The following RPTOR variants were observed in gnomAD, a reference collection of about 807,000 sequenced individuals.
RPTOR encodes regulatory associated protein of MTOR complex 1.
Under a neutral mutation model 169.9 loss-of-function variants are expected in RPTOR, and 21 were observed. That is an observed-to-expected ratio of 0.12 (90% CI 0.09 to 0.18). The LOEUF (loss-of-function observed/expected upper bound fraction) is 0.18, where lower values mean the gene tolerates loss of function less well. RPTOR is among the 10% of genes least tolerant of loss of function. The pLI, the probability that RPTOR is intolerant of heterozygous loss-of-function variation, is 1.00. For synonymous variants in RPTOR, 732 were observed against 753.2 expected (o/e 0.97, Z 0.46); for missense variants, 1,133 against 1,855.9 (o/e 0.61, Z 7.16).
chr17:80,667,250 G>C (rs1294992789), intron 3 of RPTOR, among the ~76,000 whole-genome samples: 2 of 152,164 alleles, frequency 1.3e-5, no homozygotes, highest in Non-Finnish European at 2.9e-5. Flanking sequence ...GAGGCTGGAG[G>C]GGGACAGCCG....
intron 4 of RPTOR, among the ~76,000 whole-genome samples, chr17:80,717,489 A>G (rs1005705288): frequency 6.6e-6 from 1 of 152,088 alleles, no homozygotes; most frequent in African/African-American, 2.4e-5. Flanking sequence ...CCATTAGTTT[A>G]TCCTTTCATA....
intron 5 of RPTOR, among the ~76,000 whole-genome samples, chr17:80,735,110 T>G (rs1455672122): frequency 6.6e-6 from 1 of 152,170 alleles, no homozygotes; most frequent in Non-Finnish European, 1.5e-5. Context: ...CCAGGTCACG[T>G]AGCACCCCAG....
At chr17:80,775,613 C>T (rs1395183642) in intron 6 of RPTOR, among the ~76,000 whole-genome samples, 2 of 152,224 alleles carry the variant, frequency 1.3e-5, no homozygotes, top group Admixed American at 6.5e-5. Context: ...AAAGGTGCAG[C>T]ATTGTTGGGC....
At chr17:80,632,781 T>G (rs1017957127) in intron 2 of RPTOR, among the ~76,000 whole-genome samples, 2 of 152,174 alleles carry the variant, frequency 1.3e-5, no homozygotes, top group African/African-American at 2.4e-5. Context: ...AGCAGCCCAC[T>G]TTTATTTTTT....
chr17:80,602,822 T>A lies in RPTOR; in HGVS notation c.163-22869T>A. ...AAGGGGCACGCTTCATGAAGCCCAC[T>A]CCGTGGACGCGCTGGTGAATGTTGA... On this transcript the variant is annotated intron_variant, in intron 1 of 33. Transcript: ENST00000306801. The A allele has an allele frequency of 4.6e-6, 3 of 648,188 alleles. No individual in the cohort carries two copies. The South Asian group carries it at 4.7e-5, about 10-fold the overall frequency. 40.2% of individuals were successfully genotyped at this position (648,188 alleles called of 1,614,324 possible).
chr17:80,925,064 G>A lies in RPTOR; in HGVS notation c.2809-306G>A, dbSNP rs370450691. Among the ~76,000 whole-genome samples, 9 of 152,288 alleles carry A rather than the reference G, an allele frequency of 5.9e-5. No homozygotes were observed. In the South Asian group the frequency reaches 1.9e-3, roughly 32 times the overall value. On this transcript the variant is annotated intron_variant, in intron 23 of 33. Coordinates refer to ENST00000306801, the MANE Select transcript of RPTOR (RefSeq NM_020761.3). ...GGTTGATAAACCAGCACACATGGAC[G>A]CACGTGGCATTGTCTGAACAGTCAG...
intron 3 of RPTOR, among the ~76,000 whole-genome samples, chr17:80,683,524 G>A (rs779620544): frequency 2.0e-5 from 3 of 152,126 alleles, no homozygotes; most frequent in Non-Finnish European, 2.9e-5. Context: ...TCCTTGTGCT[G>A]GTTTTGCAAC....
chr17:80,846,638 C>A, intron 11 of RPTOR, 64 bp downstream of exon 11: 1 of 1,392,678 alleles, frequency 7.2e-7, no homozygotes, highest in Non-Finnish European at 1.0e-6. Context: ...GATGCCTGTA[C>A]AGCCCCGGGA....
At position 80,957,771 on chromosome 17, in the gene RPTOR, C is replaced by A; in HGVS notation, c.3477+41C>A. On this transcript the variant is annotated intron_variant, in intron 29 of 33. Coordinates refer to ENST00000306801, the MANE Select transcript of RPTOR (RefSeq NM_020761.3). This position sits in a 1 kb window ranked among gnomAD's most constrained non-coding sequence, Gnocchi z 4.6. ...TCCCCCAAGCCCTGGGCCTGTGGGG[C>A]AGTGTGTGCAGGGCTGGTCCTCGTC... 6.4e-7 allele frequency: 1 copy of A among 1,556,470 alleles called. No homozygotes were observed. Among genetic ancestry groups the A allele is most frequent in the Non-Finnish European group, 8.9e-7 (1 of 1,128,154 alleles).
chr17:80,961,295 G>T, intron 30 of RPTOR, 99 bp from the exon 31 acceptor site: 1 of 1,172,212 alleles, frequency 8.5e-7, no homozygotes, highest in South Asian at 1.5e-5. Context: ...CTGCGGACCC[G>T]CTGGCACAGG....
At chr17:80,728,350 T>C (rs181723743) in intron 4 of RPTOR, among the ~76,000 whole-genome samples, 5 of 152,270 alleles carry the variant, frequency 3.3e-5, no homozygotes, top group Non-Finnish European at 7.4e-5. Flanking sequence ...TCAAGACTTA[T>C]TAGGTTTTGT....
chr17:80,961,470 G>C lies in RPTOR; in HGVS notation c.3682G>C (p.Val1228Leu), dbSNP rs147241989. The C allele has an allele frequency of 5.2e-6, 8 of 1,550,652 alleles. No homozygotes were observed. The South Asian group carries it at 8.3e-5, about 16-fold the overall frequency. The change falls in exon 31 of 34, where the codon GTG (valine) becomes CTG (leucine). Residue 1228 changes from valine (V) to leucine (L), a missense_variant. Transcript: ENST00000306801. ...GCAGAAGCGTCCCGACGGCCACATCGTGAGTGTGAGGTGAGGAGCGCCGAT... is the reference window on the plus strand; with the variant it reads ...GCAGAAGCGTCCCGACGGCCACATCCTGAGTGTGAGGTGAGGAGCGCCGAT... ...SLQKRPDGHI[V>L]SVSVNGDVRI...
intron 3 of RPTOR, among the ~76,000 whole-genome samples, chr17:80,656,567 T>C (rs2065681382): frequency 6.6e-6 from 1 of 152,226 alleles, no homozygotes; most frequent in South Asian, 2.1e-4. Context: ...AACCATGATT[T>C]TTTTTACTTT....
chr17:80,817,875 G>A (rs1490259216), intron 7 of RPTOR, among the ~76,000 whole-genome samples: 2 of 152,310 alleles, frequency 1.3e-5, no homozygotes, highest in African/African-American at 4.8e-5. Flanking sequence ...TACAGTGGTT[G>A]CACAAATGGG....
intron 21 of RPTOR, among the ~76,000 whole-genome samples, chr17:80,922,377 C>A (rs1353319312): frequency 6.6e-6 from 1 of 152,180 alleles, no homozygotes; most frequent in Non-Finnish European, 1.5e-5. Context: ...AGGAGCCGCC[C>A]CTCTGGCAGG....
intron 1 of RPTOR, among the ~76,000 whole-genome samples, chr17:80,559,985 G>C (rs2084459279): frequency 6.6e-6 from 1 of 152,210 alleles, no homozygotes; most frequent in Non-Finnish European, 1.5e-5. Flanking sequence ...GGAAATCACT[G>C]TTGTTTTACA....
At chr17:80,841,051 C>T (rs1366774817) in intron 10 of RPTOR, among the ~76,000 whole-genome samples, 1 of 14,694 alleles carries the variant, frequency 6.8e-5, no homozygotes, top group Non-Finnish European at 1.1e-4. Context: ...ACTCACCGCA[C>T]GGCAGCTCAC....
chr17:80,884,477 T>G (rs2068220431), intron 16 of RPTOR, among the ~76,000 whole-genome samples: 2 of 152,208 alleles, frequency 1.3e-5, no homozygotes, highest in Non-Finnish European at 2.9e-5. Context: ...TTTTTAGAGC[T>G]GAGGAAGCAG....
rs148245727 is a variant in RPTOR, at chr17:80,912,747, T to C, written c.2520+3818T>C. Among the ~76,000 whole-genome samples the C allele has an allele frequency of 7.2e-3, 1,103 of 152,322 alleles. 9 individuals carry two copies. Among genetic ancestry groups the C allele is most frequent in the South Asian group, 0.044 (211 of 4,828 alleles). ...AGGCAGTTAAGCACCTGCGTCTGCC[T>C]TTCATGTTAGCAGGTTATAGCAACT... On this transcript the variant is annotated intron_variant, in intron 21 of 33. Transcript: ENST00000306801.
Sources: gnomAD v4.1 joint callset for allele counts (sites outside exome capture counted in the v4.1 genomes callset) on GRCh38, gnomAD v4.1.1 for gene constraint, Gnocchi (gnomAD v3.1) non-coding constraint, MANE v1.5 for transcripts, NCBI Gene and HGNC (gene_info 2026-07-23, HGNC 2026-07-21) for gene names.